Variants in ANK2 observed in about 807,000 individuals in gnomAD.
ANK2 encodes the protein ankyrin 2.
In ANK2, 83 loss-of-function variants were observed where a neutral mutation model predicts 360.5. The observed-to-expected ratio is 0.23, with a 90% confidence interval of 0.19 to 0.28. ANK2 has a LOEUF of 0.28. ANK2 is among the 10% of genes least tolerant of loss of function. The probability of loss-of-function intolerance (pLI) is 1.00; values close to 1 mark genes in which losing one functional copy is unlikely to be tolerated. For synonymous variants in ANK2, 1,740 were observed against 1,759.5 expected, an observed-to-expected ratio of 0.99 and a Z score of 0.28; for missense variants, 4,201 against 4,795.7, an observed-to-expected ratio of 0.88 and a Z score of 3.66.
intron 42 of ANK2, among the ~76,000 whole-genome samples, chr4:113,368,569 A>G (rs1294005669): frequency 6.6e-6 from 1 of 152,218 alleles, no homozygotes; most frequent in Non-Finnish European, 1.5e-5. Flanking sequence ...GAGTTGTTTA[A>G]TTGACACTGA....
the ANK2 span, among the ~76,000 whole-genome samples, chr4:112,714,462 C>G: frequency 4.6e-5 from 7 of 152,320 alleles, no homozygotes; most frequent in Non-Finnish European, 8.8e-5. Flanking sequence ...GGATTACAGG[C>G]GTGAGCCACC....
chr4:113,304,075 A>G (rs1345430811), intron 23 of ANK2, among the ~76,000 whole-genome samples: 6 of 152,246 alleles, frequency 3.9e-5, no homozygotes, highest in African/African-American at 1.4e-4. Flanking sequence ...GTAAATTCAA[A>G]GGTATTCCCA....
chr4:113,348,343 T>C (rs534890560), intron 36 of ANK2, 35 bp downstream of exon 36: 1 of 1,604,820 alleles, frequency 6.2e-7, no homozygotes, highest in Non-Finnish European at 8.5e-7. Flanking sequence ...TTATCGGCTG[T>C]GTCATTGCTG....
chr4:113,047,454 T>C (rs898037942), upstream of ANK2, among the ~76,000 whole-genome samples: 2 of 152,160 alleles, frequency 1.3e-5, no homozygotes, highest in African/African-American at 2.4e-5. Context: ...ATGATAGTCA[T>C]CCAATAAATA....
intron 22 of ANK2, among the ~76,000 whole-genome samples, chr4:113,295,209 G>A (rs2070493217): frequency 6.6e-6 from 1 of 152,082 alleles, no homozygotes; most frequent in Admixed American, 6.5e-5. Context: ...TCTGTGCTAA[G>A]TGCTGAAGAA....
intron 15 of ANK2, among the ~76,000 whole-genome samples, chr4:113,277,373 T>C (rs561557663): frequency 2.6e-5 from 4 of 152,350 alleles, no homozygotes; most frequent in Admixed American, 1.3e-4. Context: ...CACGAATACT[T>C]GTTTTTACTA....
chr4:112,953,574 C>T (rs2095164620), intron 2 of ANK2, among the ~76,000 whole-genome samples: 1 of 152,230 alleles, frequency 6.6e-6, no homozygotes, highest in Non-Finnish European at 1.5e-5. Flanking sequence ...GTTTGGTTTG[C>T]ATTAATTGCA....
At chr4:113,136,047 A>C (rs1049120394) in intron 1 of ANK2, among the ~76,000 whole-genome samples, 2 of 152,182 alleles carry the variant, frequency 1.3e-5, no homozygotes, top group East Asian at 3.8e-4. Context: ...AGAAGAATGA[A>C]ATAAATGTTT....
rs3025742 is a variant in ANK2 at position 113,239,934 on chromosome 4, A to G, written c.694-551A>G. Among the ~76,000 whole-genome samples, 617 of 152,310 alleles carry G rather than the reference A, an allele frequency of 4.1e-3. 5 individuals carry two copies. The highest frequency in any genetic ancestry group is 0.014 in the African/African-American group (582 of 41,582). On this transcript the variant is annotated intron_variant, in intron 7 of 45. Transcript: ENST00000357077. ...ACATAATCGTGCTACACAGTTGTAAAAGGGTATAGGAATATCATGACAGTG... is the reference window on the plus strand; with the variant it reads ...ACATAATCGTGCTACACAGTTGTAAGAGGGTATAGGAATATCATGACAGTG...
chr4:112,799,178 A>G, the ANK2 span, among the ~76,000 whole-genome samples: 1 of 152,172 alleles, frequency 6.6e-6, no homozygotes, highest in South Asian at 2.1e-4. Flanking sequence ...ATAACGTTCC[A>G]TTGTATGTAT....
At chr4:112,737,380 C>T in the ANK2 span, among the ~76,000 whole-genome samples, 1 of 152,360 alleles carries the variant, frequency 6.6e-6, no homozygotes, top group East Asian at 1.9e-4. Context: ...ACATAGAGCA[C>T]ATGGTTTGTA....
the ANK2 span, among the ~76,000 whole-genome samples, chr4:112,807,883 G>A: frequency 6.6e-6 from 1 of 152,208 alleles, no homozygotes. Flanking sequence ...AGATGACTAA[G>A]TTTTAATGCT....
chr4:113,028,319 A>G (rs941229461), intron 2 of ANK2, among the ~76,000 whole-genome samples: 8 of 152,132 alleles, frequency 5.3e-5, no homozygotes, highest in African/African-American at 1.7e-4. Context: ...AACAGAGGGG[A>G]AAACAGGTGA....
chr4:112,771,850 G>A, the ANK2 span, among the ~76,000 whole-genome samples: 1 of 152,148 alleles, frequency 6.6e-6, no homozygotes, highest in African/African-American at 2.4e-5. Context: ...CTCCCAAAGT[G>A]CTGAGATTAC....
rs536882222 is a variant in ANK2, at chr4:112,874,828, A to T, written c.-39-29627A>T. On this transcript the variant is annotated intron_variant, in intron 1 of 30. Coordinates refer to the ANK2 transcript ENST00000503271. ...AAATCAATGGAGGTTTTTAGAAGGA[A>T]TTAGTAATTATATCGATTGCATCCC... Among the ~76,000 whole-genome samples the T allele has an allele frequency of 2.6e-5, 4 of 152,206 alleles. No individual in the cohort carries two copies. The South Asian group carries it at 6.2e-4, about 24-fold the overall frequency.
chr4:113,292,531 T>C lies in ANK2; in HGVS notation c.2376+17T>C. 1 of 1,585,212 alleles carries C rather than the reference T, an allele frequency of 6.3e-7. No homozygotes were observed. The highest frequency in any genetic ancestry group is 2.3e-5 in the East Asian group (1 of 43,676). On this transcript the variant is annotated intron_variant, in intron 21 of 45. Transcript: ENST00000357077. ...ACCACTGCGGTAAGGCAGACGCCACTGCCCCTCACCACGCTTTCTTCTTTT... is the reference window on the plus strand; with the variant it reads ...ACCACTGCGGTAAGGCAGACGCCACCGCCCCTCACCACGCTTTCTTCTTTT...
chr4:113,107,368 C>G (rs2093756409), intron 1 of ANK2, among the ~76,000 whole-genome samples: 1 of 152,134 alleles, frequency 6.6e-6, no homozygotes, highest in Non-Finnish European at 1.5e-5. Context: ...AGGCACATGC[C>G]ACCATGCCTG....
rs568388512 is a variant in ANK2 at position 112,982,794 on chromosome 4, C to T, written c.21+78280C>T. ...TATACTACTAAGAACATACTGTTTA[C>T]ACCTTTCAGTTAAGCGATTCTAAAA... On this transcript the variant is annotated intron_variant, in intron 2 of 30. Coordinates refer to the ANK2 transcript ENST00000503271. 1.1e-4 allele frequency among the ~76,000 whole-genome samples: 16 copies of T among 152,244 alleles called. No individual in the cohort carries two copies. In the South Asian group the frequency reaches 2.5e-3, roughly 24 times the overall value.
At chr4:113,179,495 G>T (rs1396620735) in intron 2 of ANK2, among the ~76,000 whole-genome samples, 2 of 152,102 alleles carry the variant, frequency 1.3e-5, no homozygotes, top group African/African-American at 4.8e-5. Context: ...ATGATATGGG[G>T]AAAATTCATA....
Sources: gnomAD v4.1 joint callset for allele counts (sites outside exome capture counted in the v4.1 genomes callset) on GRCh38, gnomAD v4.1.1 for gene constraint, MANE v1.5 for transcripts, NCBI Gene and HGNC (gene_info 2026-07-23, HGNC 2026-07-21) for gene names.